The following FER variants were observed in gnomAD, a reference collection of about 807,000 sequenced individuals.
The protein encoded by FER is tyrosine-protein kinase Fer.
FER carries 63 observed loss-of-function variants against 111.0 expected under a neutral mutation model. The ratio of observed to expected loss-of-function variants is 0.57; its 90% CI spans 0.46 to 0.70. The LOEUF is 0.70. Ranked by LOEUF, FER falls within the 30% of genes least tolerant of loss-of-function variation. The pLI is 0.00. For missense variants in FER, 914 were observed against 954.0 expected (o/e 0.96, Z 0.55); for synonymous variants, 327 against 313.9 (o/e 1.04, Z -0.44).
chr5:108,843,380 T>G (rs1035662928), intron 5 of FER, among the ~76,000 whole-genome samples: 3 of 152,224 alleles, frequency 2.0e-5, no homozygotes, highest in Non-Finnish European at 2.9e-5. Context: ...AATCTATTCC[T>G]TATCATTTTA....
At chr5:108,920,519 T>TCAG (rs1752885347) in intron 10 of FER, among the ~76,000 whole-genome samples, 3 of 138,412 alleles carry the variant, frequency 2.2e-5, no homozygotes, top group Non-Finnish European at 3.1e-5. Flanking sequence ...CACAGTCTTC[T>TCAG]TAGGGTATTT....
chr5:108,971,580 A>T (rs1424488356), intron 13 of FER, among the ~76,000 whole-genome samples: 1 of 152,170 alleles, frequency 6.6e-6, no homozygotes, highest in Non-Finnish European at 1.5e-5. Flanking sequence ...TGTCCTCAAC[A>T]ATATTTTTGT....
At chr5:108,895,292 A>T (rs939050972) in intron 9 of FER, among the ~76,000 whole-genome samples, 1 of 152,156 alleles carries the variant, frequency 6.6e-6, no homozygotes, top group Non-Finnish European at 1.5e-5. Context: ...TATGTTGTCT[A>T]TCAGGGTTTG....
chr5:109,099,629 TG>T (rs1389706068), intron 16 of FER, among the ~76,000 whole-genome samples: 1 of 151,600 alleles, frequency 6.6e-6, no homozygotes. Flanking sequence ...GTTTTGGATA[TG>T]TTAGATTCAA....
At chr5:109,034,262 A>T (rs1196968218) in intron 13 of FER, among the ~76,000 whole-genome samples, 1 of 152,174 alleles carries the variant, frequency 6.6e-6, no homozygotes, top group Non-Finnish European at 1.5e-5. Context: ...TTATCTAAGG[A>T]CACTGAAATT....
chr5:108,992,827 C>G (rs1335406930), intron 13 of FER, among the ~76,000 whole-genome samples: 1 of 147,038 alleles, frequency 6.8e-6, no homozygotes, highest in African/African-American at 2.5e-5. Context: ...TCAGACAGGG[C>G]GGCCGGGCAG....
At position 108,961,471 on chromosome 5, in the gene FER, C is replaced by T. The variant is rs910463189; in HGVS notation, c.1656+2124C>T. On this transcript the variant is annotated intron_variant, in intron 13 of 19. Transcript: ENST00000281092. ...ATGGTTAATTATTGTTTTTCCAACCCCCAACACTTTGGAATTGATTATCTC... is the reference window on the plus strand; with the variant it reads ...ATGGTTAATTATTGTTTTTCCAACCTCCAACACTTTGGAATTGATTATCTC... Among the ~76,000 whole-genome samples the T allele has an allele frequency of 4.7e-5, 7 of 150,198 alleles. 1 individual carries two copies. Among genetic ancestry groups the T allele is most frequent in the African/African-American group, 1.7e-4 (7 of 41,144 alleles).
chr5:109,014,223 G>A lies in FER; in HGVS notation c.1657-23199G>A, dbSNP rs1160900359. 1.8e-3 allele frequency among the ~76,000 whole-genome samples: 273 copies of A among 151,952 alleles called. 7 individuals are homozygous for A. The highest frequency in any genetic ancestry group is 1.7e-3 in the African/African-American group (69 of 41,442). On this transcript the variant is annotated intron_variant, in intron 13 of 19. Transcript: ENST00000281092. ...GGGTTTTTATGGTTTTAGGTCTAAC[G>A]TTTAAGTCTTTAATCCATCTTGAAT...
chr5:108,759,425 T>C (rs1460294634), intron 1 of FER, among the ~76,000 whole-genome samples: 1 of 152,232 alleles, frequency 6.6e-6, no homozygotes, highest in Non-Finnish European at 1.5e-5. Context: ...CTGTTATAGC[T>C]TCTACCCATT....
intron 10 of FER, among the ~76,000 whole-genome samples, chr5:108,927,293 G>T (rs984793496): frequency 5.1e-5 from 5 of 97,196 alleles, no homozygotes; most frequent in Non-Finnish European, 7.3e-5. Flanking sequence ...TCGCTCTGTC[G>T]CCCAGGCCGG....
At chr5:109,118,076 T>G (rs1231433529) in intron 17 of FER, among the ~76,000 whole-genome samples, 1 of 152,064 alleles carries the variant, frequency 6.6e-6, no homozygotes, top group Non-Finnish European at 1.5e-5. Flanking sequence ...AGGGCATCCG[T>G]GTCTTGTGCC....
chr5:108,892,668 T>A (rs1748311480), intron 9 of FER, among the ~76,000 whole-genome samples: 1 of 152,194 alleles, frequency 6.6e-6, no homozygotes, highest in South Asian at 2.1e-4. Flanking sequence ...GCTCTTTAGT[T>A]TAATTAGATC....
intron 13 of FER, among the ~76,000 whole-genome samples, chr5:109,031,415 A>G (rs1036569768): frequency 6.6e-6 from 1 of 152,182 alleles, no homozygotes; most frequent in Non-Finnish European, 1.5e-5. Flanking sequence ...CAATGACCAT[A>G]GTATTTTAAT....
chr5:108,797,965 T>A (rs1307660198), intron 2 of FER, 159 bp from the exon 3 acceptor site: 1 of 461,356 alleles, frequency 2.2e-6, no homozygotes, highest in African/African-American at 2.0e-5. Flanking sequence ...AAGCCAACAA[T>A]AGGGTGGACT....
intron 8 of FER, 107 bp downstream of exon 8, chr5:108,872,319 A>C: frequency 1.8e-6 from 2 of 1,098,548 alleles, no homozygotes; most frequent in Non-Finnish European, 1.2e-6. Context: ...TGAACAGTAA[A>C]TTTTTGGGGT....
chr5:108,909,160 G>A (rs1033583176), intron 10 of FER, among the ~76,000 whole-genome samples: 1 of 152,130 alleles, frequency 6.6e-6, no homozygotes, highest in Non-Finnish European at 1.5e-5. Context: ...CTTGAATTTT[G>A]ATAATTATTT....
chr5:109,042,634 T>C (rs914514481), intron 14 of FER, among the ~76,000 whole-genome samples: 11 of 152,116 alleles, frequency 7.2e-5, no homozygotes, highest in African/African-American at 2.7e-4. Flanking sequence ...CAGAAACCAT[T>C]AGAAAGACAC....
chr5:108,925,913 T>C (rs1753674184), intron 10 of FER, among the ~76,000 whole-genome samples: 1 of 152,004 alleles, frequency 6.6e-6, no homozygotes, highest in African/African-American at 2.4e-5. Context: ...TCATTTTATA[T>C]ATAATAATGT....
At chr5:108,977,885 C>T (rs1011916318) in intron 13 of FER, among the ~76,000 whole-genome samples, 1 of 152,128 alleles carries the variant, frequency 6.6e-6, no homozygotes, top group Non-Finnish European at 1.5e-5. Context: ...CTCACTATGT[C>T]ACCCAGCTGG....
Sources: allele counts gnomAD v4.1 joint callset (sites outside exome capture counted in the v4.1 genomes callset), GRCh38; gene constraint gnomAD v4.1.1; transcripts MANE v1.5; gene names NCBI Gene and HGNC (gene_info 2026-07-23, HGNC 2026-07-21).